ACSS3: variants seen among roughly 807,000 people sequenced by gnomAD.
The protein encoded by ACSS3 is acyl-CoA synthetase short-chain family member 3, mitochondrial.
A neutral mutation model predicts 84.2 loss-of-function variants in ACSS3; 64 were observed. That is an observed-to-expected ratio of 0.76 (90% CI 0.62 to 0.94). The LOEUF is 0.94. ACSS3 is among the 40% of genes least tolerant of loss of function. The pLI, the probability that ACSS3 is intolerant of heterozygous loss-of-function variation, is 0.00. For missense variants in ACSS3, 815 were observed against 867.6 expected, an observed-to-expected ratio of 0.94 and a Z score of 0.76; for synonymous variants, 317 against 310.1, an observed-to-expected ratio of 1.02 and a Z score of -0.23.
intron 2 of ACSS3, among the ~76,000 whole-genome samples, chr12:81,116,995 G>T: frequency 6.6e-6 from 1 of 152,016 alleles, no homozygotes; most frequent in South Asian, 2.1e-4. Context: ...AACTTACTTT[G>T]CCATTTTAGA....
chr12:81,203,038 G>A (rs1593192024), intron 9 of ACSS3, among the ~76,000 whole-genome samples: 1 of 152,208 alleles, frequency 6.6e-6, no homozygotes, highest in East Asian at 1.9e-4. Context: ...TGGTAGCATG[G>A]CTCAGTCCAA....
intron 13 of ACSS3, among the ~76,000 whole-genome samples, chr12:81,243,581 G>A (rs2033883696): frequency 6.6e-6 from 1 of 152,146 alleles, no homozygotes; most frequent in Non-Finnish European, 1.5e-5. Flanking sequence ...AACAAAGCTG[G>A]AGGCATCACG....
chr12:81,242,808 AC>A (rs1311272524), intron 13 of ACSS3, among the ~76,000 whole-genome samples: 4 of 150,836 alleles, frequency 2.7e-5, no homozygotes, highest in African/African-American at 9.7e-5. Context: ...AAATTCAACA[AC>A]CCTTCATGCT....
At position 81,165,604 on chromosome 12, in the gene ACSS3, C is replaced by T. The variant is rs189196756; in HGVS notation, c.1099-9184C>T. Among the ~76,000 whole-genome samples the T allele has an allele frequency of 4.0e-4, 61 of 152,024 alleles. No homozygotes were observed. In the East Asian group the frequency reaches 5.6e-3, roughly 14 times the overall value. On this transcript the variant is annotated intron_variant, in intron 7 of 15. Coordinates refer to ENST00000548058, the MANE Select transcript of ACSS3 (RefSeq NM_024560.4). Reference sequence around the variant, plus strand: ...GAGTTCGCAGTGAACCAAGATTGCACCACTGCACTTGCAGCCTGGCAACAG... The same window carrying T: ...GAGTTCGCAGTGAACCAAGATTGCATCACTGCACTTGCAGCCTGGCAACAG...
At chr12:81,123,062 T>TTA in intron 2 of ACSS3, among the ~76,000 whole-genome samples, 1 of 151,742 alleles carries the variant, frequency 6.6e-6, no homozygotes, top group East Asian at 1.9e-4. Flanking sequence ...GCATTTGCAG[T>TTA]AAAAAAAATC....
chr12:81,139,282 A>C lies in ACSS3; in HGVS notation c.780+17A>C, dbSNP rs1477571932. ...CCAAATATGGTAATCTGAATATTGA[A>C]TTTGGTTCTTGCTTATGGTAATATG... On this transcript the variant is annotated intron_variant, in intron 4 of 15. Transcript: ENST00000548058. 1 of 1,612,986 alleles carries C rather than the reference A, an allele frequency of 6.2e-7. No individual in the cohort carries two copies. Among genetic ancestry groups the C allele is most frequent in the Admixed American group, 1.7e-5 (1 of 59,988 alleles).
intron 2 of ACSS3, among the ~76,000 whole-genome samples, chr12:81,114,059 G>A (rs1883829855): frequency 6.6e-6 from 1 of 151,866 alleles, no homozygotes; most frequent in African/African-American, 2.4e-5. Context: ...TCTGTGTGTG[G>A]CAAGTGTGCT....
intron 8 of ACSS3, among the ~76,000 whole-genome samples, chr12:81,193,786 G>A (rs2031697432): frequency 6.6e-6 from 1 of 151,664 alleles, no homozygotes; most frequent in African/African-American, 2.4e-5. Context: ...AATTTATATT[G>A]TAAGTTTTTT....
chr12:81,194,490 A>G (rs1404227939), intron 8 of ACSS3, among the ~76,000 whole-genome samples: 4 of 151,920 alleles, frequency 2.6e-5, no homozygotes, highest in Non-Finnish European at 5.9e-5. Context: ...TTTCTAAACC[A>G]CTAATGATCT....
rs71098124 is a variant in ACSS3 at position 81,140,393 on chromosome 12, ATT to A, written c.780+1138_780+1139del. On this transcript the variant is annotated intron_variant, in intron 4 of 15. Coordinates refer to ENST00000548058, the MANE Select transcript of ACSS3 (RefSeq NM_024560.4). Reference sequence around the variant, plus strand: ...CCAACTTGGGTTTCTAGCAGATTAAATTTTTTTTTTTGCAGAAGTGAAATTGC... The same window carrying A: ...CCAACTTGGGTTTCTAGCAGATTAAATTTTTTTTTGCAGAAGTGAAATTGC... 3.4e-4 allele frequency among the ~76,000 whole-genome samples: 52 copies of A among 150,748 alleles called. 1 individual carries two copies. Among genetic ancestry groups the A allele is most frequent in the African/African-American group, 1.2e-3 (49 of 41,092 alleles).
At chr12:81,173,868 G>T (rs980491843) in intron 7 of ACSS3, among the ~76,000 whole-genome samples, 1 of 152,010 alleles carries the variant, frequency 6.6e-6, no homozygotes, top group Non-Finnish European at 1.5e-5. Context: ...CCCTTTTAAG[G>T]TTTCAAGAAA....
chr12:81,096,847 C>T (rs1467494064), intron 1 of ACSS3, among the ~76,000 whole-genome samples: 1 of 152,250 alleles, frequency 6.6e-6, no homozygotes, highest in African/African-American at 2.4e-5. Flanking sequence ...ATATGTGCCA[C>T]ATTTTCTTTA....
Position 81,178,208 on chromosome 12 carries a change from TC to T in ACSS3, c.1250+3270del. On this transcript the variant is annotated intron_variant, in intron 8 of 15. Transcript: ENST00000548058. Reference sequence around the variant, plus strand: ...AAATCATCATTCTTAGTAAACTATCTCAAGGACAAAAAACCAAACACCGCAT... The same window carrying T: ...AAATCATCATTCTTAGTAAACTATCTAAGGACAAAAAACCAAACACCGCAT... Among the ~76,000 whole-genome samples the T allele has an allele frequency of 1.3e-5, 2 of 149,662 alleles. 1 individual carries two copies. The highest frequency in any genetic ancestry group is 4.3e-4 in the South Asian group (2 of 4,660).
intron 2 of ACSS3, among the ~76,000 whole-genome samples, chr12:81,116,760 G>GTT (rs1381366908): frequency 6.6e-6 from 1 of 152,084 alleles, no homozygotes; most frequent in East Asian, 1.9e-4. Context: ...GAATTAGTTT[G>GTT]TGAATAAACA....
Position 81,174,773 on chromosome 12 carries a change from T to C in ACSS3, c.1099-15T>C, listed in dbSNP as rs753698444. On this transcript the variant is annotated splice_polypyrimidine_tract_variant and intron_variant, in intron 7 of 15. Coordinates refer to ENST00000548058, the MANE Select transcript of ACSS3 (RefSeq NM_024560.4). ...ACATTTTATCCAGTGACATTTTAAA[T>C]GAATCTCATTGTAGGGGAAGCCTGT... 8.1e-6 allele frequency: 13 copies of C among 1,607,052 alleles called. No individual in the cohort carries two copies. The highest frequency in any genetic ancestry group is 8.5e-7 in the Non-Finnish European group (1 of 1,175,416).
At position 81,231,151 on chromosome 12, in the gene ACSS3, A is replaced by G. The variant is rs1470441723; in HGVS notation, c.1596+13A>G. 1 of 1,577,720 alleles carries G rather than the reference A, an allele frequency of 6.3e-7. No individual in the cohort carries two copies. The highest frequency in any genetic ancestry group is 8.7e-7 in the Non-Finnish European group (1 of 1,151,808). The stretch of plus-strand genomic sequence containing the variant: ...TGAAAAATTTCCTGTAAGAACTTTA[A>G]TATGCTTTTTTATCTTCTTATGTAC... On this transcript the variant is annotated intron_variant, in intron 12 of 15. Transcript: ENST00000548058.
chr12:81,142,019 G>A (rs577665610), intron 4 of ACSS3, among the ~76,000 whole-genome samples: 3 of 152,140 alleles, frequency 2.0e-5, no homozygotes, highest in African/African-American at 7.2e-5. Context: ...AGTATTAATT[G>A]GTAAATGTAC....
At chr12:81,124,342 C>G (rs1052984379) in intron 2 of ACSS3, 21 of 152,210 alleles carry the variant, frequency 1.4e-4, no homozygotes, top group Admixed American at 3.3e-4. Context: ...CTTCTGTGTT[C>G]ACTTTTCTGT....
intron 13 of ACSS3, among the ~76,000 whole-genome samples, chr12:81,242,798 A>AAAT (rs1463254043): frequency 6.6e-6 from 1 of 150,928 alleles, no homozygotes; most frequent in Admixed American, 6.6e-5. Flanking sequence ...GCCTTCAACA[A>AAAT]AATTCAACAA....
Sources: gnomAD v4.1 joint callset for allele counts (sites outside exome capture counted in the v4.1 genomes callset) on GRCh38, gnomAD v4.1.1 for gene constraint, MANE v1.5 for transcripts, NCBI Gene and HGNC (gene_info 2026-07-23, HGNC 2026-07-21) for gene names.